The following LRFN5 variants were observed in gnomAD, a reference collection of about 807,000 sequenced individuals.
LRFN5 encodes the protein leucine-rich repeat and fibronectin type-III domain-containing protein 5.
LRFN5 carries 24 observed loss-of-function variants against 45.6 expected under a neutral mutation model. The ratio of observed to expected loss-of-function variants is 0.53; its 90% confidence interval spans 0.38 to 0.74. The LOEUF (loss-of-function observed/expected upper bound fraction) is 0.74. Among genes scored for constraint, LRFN5 ranks in the 30% least tolerant of loss-of-function variants. The pLI, the probability that LRFN5 is intolerant of heterozygous loss-of-function variation, is 0.00. For synonymous variants in LRFN5, 340 were observed against 313.8 expected, an observed-to-expected ratio of 1.08 and a Z score of -0.88; for missense variants, 776 against 861.5, an observed-to-expected ratio of 0.90 and a Z score of 1.24.
intron 1 of LRFN5, among the ~76,000 whole-genome samples, chr14:41,765,028 T>C (rs1348633828): frequency 6.6e-6 from 1 of 152,138 alleles, no homozygotes; most frequent in Admixed American, 6.5e-5. Context: ...AGAAATGGAA[T>C]GTTTTTCAAG....
At chr14:41,686,412 A>G (rs1347410862) in intron 1 of LRFN5, among the ~76,000 whole-genome samples, 2 of 152,080 alleles carry the variant, frequency 1.3e-5, no homozygotes, top group Non-Finnish European at 2.9e-5. Context: ...TAATCTGCAA[A>G]CAGAGAAAGC....
chr14:41,856,675 A>ATTATTATTATTATTATTTTTTT, intron 2 of LRFN5, among the ~76,000 whole-genome samples: 5 of 18,330 alleles, frequency 2.7e-4, no homozygotes, highest in African/African-American at 5.1e-4. Context: ...TATTATTATT[A>ATTATTATTATTATTATTTTTTT]TTTTTTTTTT....
intron 1 of LRFN5, among the ~76,000 whole-genome samples, chr14:41,644,533 A>C (rs769625307): frequency 1.1e-4 from 16 of 152,148 alleles, no homozygotes; most frequent in Non-Finnish European, 2.1e-4. Context: ...ATCATGAACC[A>C]TGTACCACAC....
chr14:41,747,153 A>G (rs1884954084), intron 1 of LRFN5, among the ~76,000 whole-genome samples: 1 of 151,994 alleles, frequency 6.6e-6, no homozygotes, highest in Admixed American at 6.6e-5. Flanking sequence ...TCCAATCACT[A>G]TATTCTGATT....
rs544213199 is a variant in LRFN5, at chr14:41,758,848, A to G, written c.-196-8006A>G. Among the ~76,000 whole-genome samples, 20 of 152,220 alleles carry G rather than the reference A, an allele frequency of 1.3e-4. No individual in the cohort carries two copies. The South Asian group carries it at 3.9e-3, about 30-fold the overall frequency. ...ATTGCATCATTTAATTTTCCTTTTT[A>G]AAATATTCTCTTCTTTTTGAGTCAT... On this transcript the variant is annotated intron_variant, in intron 1 of 5. Transcript: ENST00000298119.
chr14:41,856,833 C>A (rs1422555615), intron 2 of LRFN5, among the ~76,000 whole-genome samples: 2 of 147,290 alleles, frequency 1.4e-5, no homozygotes, highest in Non-Finnish European at 3.0e-5. Context: ...CCCGCCACTG[C>A]GCCCGGCTAA....
intron 1 of LRFN5, among the ~76,000 whole-genome samples, chr14:41,626,815 A>C (rs190623320): frequency 1.3e-5 from 2 of 152,230 alleles, no homozygotes; most frequent in East Asian, 3.9e-4. Flanking sequence ...AGAAACGAAA[A>C]GGTTAATAGG....
intron 2 of LRFN5, among the ~76,000 whole-genome samples, chr14:41,803,292 A>T (rs985603722): frequency 3.2e-4 from 49 of 152,194 alleles, no homozygotes; most frequent in East Asian, 3.9e-4. Context: ...TACCGTACCT[A>T]CAGTAATTGG....
intron 1 of LRFN5, among the ~76,000 whole-genome samples, chr14:41,618,205 T>C (rs1306442831): frequency 6.6e-6 from 1 of 152,176 alleles, no homozygotes; most frequent in Admixed American, 6.5e-5. Context: ...AGCCCTGTCA[T>C]GTTTTCCTAT....
chr14:41,839,353 A>G (rs1888778265), intron 2 of LRFN5, among the ~76,000 whole-genome samples: 1 of 152,096 alleles, frequency 6.6e-6, no homozygotes, highest in South Asian at 2.1e-4. Flanking sequence ...TTAATGAAAG[A>G]TGAAATGGTT....
chr14:41,888,076 A>G, intron 3 of LRFN5, 66 bp downstream of exon 3: 2 of 1,295,746 alleles, frequency 1.5e-6, no homozygotes, highest in Non-Finnish European at 2.1e-6. Flanking sequence ...TTAATGTACT[A>G]CTGATTTTTT....
intron 2 of LRFN5, among the ~76,000 whole-genome samples, chr14:41,847,566 A>G (rs1889112692): frequency 6.6e-6 from 1 of 152,042 alleles, no homozygotes; most frequent in African/African-American, 2.4e-5. Flanking sequence ...ATTACAAATA[A>G]TACTTTTGAT....
Position 41,846,119 on chromosome 14 carries a change from CTG to C in LRFN5, c.-20-40483_-20-40482del, listed in dbSNP as rs1266505810. ...ATCTTGAAATCCAGCAAACTCAAAA[CTG>C]TGTCCATACACTGCTAGTGTGTATC... is the stretch of plus-strand genomic sequence containing the variant. On this transcript the variant is annotated intron_variant, in intron 2 of 5. Coordinates refer to ENST00000298119, the MANE Select transcript of LRFN5 (RefSeq NM_152447.5). Among the ~76,000 whole-genome samples, 3 of 152,080 alleles carry C rather than the reference CTG, an allele frequency of 2.0e-5. No individual in the cohort carries two copies. In the East Asian group the frequency reaches 5.8e-4, roughly 29 times the overall value.
chr14:41,691,542 G>A (rs1882378068), intron 1 of LRFN5, among the ~76,000 whole-genome samples: 1 of 151,884 alleles, frequency 6.6e-6, no homozygotes, highest in African/African-American at 2.4e-5. Context: ...TTATGTTATT[G>A]GTGCAATTGT....
intron 1 of LRFN5, among the ~76,000 whole-genome samples, chr14:41,678,649 T>C (rs1181940648): frequency 6.6e-6 from 1 of 152,084 alleles, no homozygotes; most frequent in Admixed American, 6.5e-5. Flanking sequence ...GTGGATAAAC[T>C]AGTCTCAATA....
intron 1 of LRFN5, among the ~76,000 whole-genome samples, chr14:41,681,780 CTTTTATTTTA>C (rs1012490413): frequency 1.4e-5 from 2 of 147,890 alleles, no homozygotes; most frequent in African/African-American, 2.5e-5. Context: ...ATAAACTACT[CTTTTATTTTA>C]TTTTATTTTA....
chr14:41,822,305 C>G (rs1888143043), intron 2 of LRFN5, among the ~76,000 whole-genome samples: 1 of 151,932 alleles, frequency 6.6e-6, no homozygotes, highest in Non-Finnish European at 1.5e-5. Context: ...TTACTATAAA[C>G]TCTTAGCACT....
intron 1 of LRFN5, among the ~76,000 whole-genome samples, chr14:41,683,536 T>C (rs939774227): frequency 2.0e-5 from 3 of 152,188 alleles, no homozygotes; most frequent in Non-Finnish European, 4.4e-5. Context: ...TGATATGATC[T>C]TATATTTGGA....
rs529286325 is a variant in LRFN5, at chr14:41,793,247, C to T, written c.-21+26218C>T. Among the ~76,000 whole-genome samples the T allele has an allele frequency of 6.6e-5, 10 of 152,116 alleles. No individual in the cohort carries two copies. The South Asian group carries it at 1.9e-3, about 28-fold the overall frequency. On this transcript the variant is annotated intron_variant, in intron 2 of 5. Transcript: ENST00000298119. ...TCTGCCGGGGCTCCAGCCGGTCCCT[C>T]CGTTCGGGGTCCCTGACTTCCCACA...
Sources: gnomAD v4.1 joint callset for allele counts (sites outside exome capture counted in the v4.1 genomes callset) on GRCh38, gnomAD v4.1.1 for gene constraint, MANE v1.5 for transcripts, NCBI Gene and HGNC (gene_info 2026-07-23, HGNC 2026-07-21) for gene names.